TMIGD3: variants seen among roughly 807,000 people sequenced by gnomAD.
TMIGD3 encodes AD026 protein (AD026).
In TMIGD3, 21 loss-of-function variants were observed where a neutral mutation model predicts 28.1. The ratio of observed to expected loss-of-function variants is 0.75; its 90% CI spans 0.53 to 1.08. TMIGD3 has a LOEUF of 1.08. TMIGD3 is among the 50% of genes least tolerant of loss of function. TMIGD3 has a pLI of 0.00. For synonymous variants in TMIGD3, 151 were observed against 162.1 expected (o/e 0.93, Z 0.52); for missense variants, 416 against 435.6 (o/e 0.96, Z 0.40).
At chr1:111,521,033 C>CTAT (rs1404079345) in intron 1 of TMIGD3, among the ~76,000 whole-genome samples, 1 of 123,428 alleles carries the variant, frequency 8.1e-6, no homozygotes, top group Non-Finnish European at 1.6e-5. Flanking sequence ...TATCCCCTAA[C>CTAT]TATTGATCTG....
upstream of TMIGD3, chr1:111,504,166 A>G: frequency 2.0e-6 from 2 of 980,814 alleles, no homozygotes; most frequent in Non-Finnish European, 2.4e-6. Context: ...CAGAAGGGCA[A>G]AAACTCAGCA....
At chr1:111,511,982 C>T (rs1237013777) in intron 1 of TMIGD3, among the ~76,000 whole-genome samples, 1 of 149,218 alleles carries the variant, frequency 6.7e-6, no homozygotes, top group African/African-American at 2.5e-5. Flanking sequence ...GGAACGGAGG[C>T]CCAGAGTAGC....
rs761990115 is a variant in TMIGD3 at position 111,500,366 on chromosome 1, T to C, written c.350+2639A>G. ...GGGATGAAAATCCAGGTGAGGAAGCTGAAGTATACCATGTAGTCCATTCTC... is the reference window on the plus strand; with the variant it reads ...GGGATGAAAATCCAGGTGAGGAAGCCGAAGTATACCATGTAGTCCATTCTC... On this transcript the variant is annotated intron_variant, in intron 1 of 5. Coordinates refer to ENST00000369716, the MANE Select transcript of TMIGD3 (RefSeq NM_020683.7). 13 of 1,614,196 alleles carry C rather than the reference T, an allele frequency of 8.1e-6. No homozygotes were observed. In the South Asian group the frequency reaches 1.4e-4, roughly 18 times the overall value.
At chr1:111,489,521 G>T (rs2100960111) in intron 2 of TMIGD3, 2 of 981,554 alleles carry the variant, frequency 2.0e-6, no homozygotes, top group East Asian at 1.1e-4. Flanking sequence ...CCAGACTGTG[G>T]TTTTGTTGCT....
intron 1 of TMIGD3, among the ~76,000 whole-genome samples, chr1:111,544,671 A>G (rs1052853638): frequency 6.6e-5 from 10 of 152,196 alleles, no homozygotes; most frequent in African/African-American, 2.4e-4. Flanking sequence ...ACATTGGTGT[A>G]CAAGTTTTTG....
chr1:111,561,250 A>T (rs1657724773), intron 1 of TMIGD3, among the ~76,000 whole-genome samples: 1 of 152,104 alleles, frequency 6.6e-6, no homozygotes. Flanking sequence ...CAGCCTCCCA[A>T]GTAGCTGGGA....
chr1:111,494,831 C>G (rs2262952), intron 1 of TMIGD3, among the ~76,000 whole-genome samples: 121,521 of 152,140 alleles, frequency 0.8, 48,545 homozygotes, highest in Middle Eastern at 0.89. Context: ...GGAGAACCCA[C>G]AAGTAAAGCT....
intron 2 of TMIGD3, 24 bp downstream of exon 2, chr1:111,490,632 G>C: frequency 6.4e-7 from 1 of 1,554,324 alleles, no homozygotes. Flanking sequence ...TAAAGGGCTG[G>C]AGCTGTTCCG....
At chr1:111,516,868 AC>A (rs1365444853) in intron 1 of TMIGD3, among the ~76,000 whole-genome samples, 2 of 152,150 alleles carry the variant, frequency 1.3e-5, no homozygotes, top group East Asian at 3.9e-4. Context: ...TGATGGGTAA[AC>A]CTCTTAACAC....
chr1:111,506,353 G>A (rs1360039377), upstream of TMIGD3, among the ~76,000 whole-genome samples: 3 of 152,204 alleles, frequency 2.0e-5, no homozygotes, highest in Admixed American at 6.5e-5. Context: ...AATCAGCGAG[G>A]ACTCTTAAGT....
intron 1 of TMIGD3, among the ~76,000 whole-genome samples, chr1:111,560,163 A>G (rs1306084071): frequency 6.6e-6 from 1 of 152,230 alleles, no homozygotes; most frequent in African/African-American, 2.4e-5. Flanking sequence ...TTCTCTTAGC[A>G]TACTTATCTA....
At chr1:111,552,712 G>C (rs1657317924) in intron 1 of TMIGD3, among the ~76,000 whole-genome samples, 1 of 152,176 alleles carries the variant, frequency 6.6e-6, no homozygotes, top group African/African-American at 2.4e-5. Context: ...GGAATCATAT[G>C]TTGGTGTTTG....
chr1:111,500,771 A>G lies in TMIGD3; in HGVS notation c.350+2234T>C. ...CAAGATGAGCAGACAACGATTGGAGAAAAATCCAGGAAACTTCTCTGGGGA... is the reference window on the plus strand; with the variant it reads ...CAAGATGAGCAGACAACGATTGGAGGAAAATCCAGGAAACTTCTCTGGGGA... On this transcript the variant is annotated intron_variant, in intron 1 of 5. Coordinates refer to ENST00000369716, the MANE Select transcript of TMIGD3 (RefSeq NM_020683.7). 5 of 571,276 alleles carry G rather than the reference A, an allele frequency of 8.8e-6. No homozygotes were observed. The South Asian group carries it at 1.3e-4, about 15-fold the overall frequency. The allele number at this position is 571,276 out of a possible 1,614,324, so 35.4% of individuals were successfully genotyped here. A position where few individuals can be genotyped will look rare whatever the true frequency, so the allele number is the denominator to read the frequency against.
chr1:111,490,864 C>A, intron 1 of TMIGD3, 102 bp from the exon 2 acceptor site: 1 of 786,724 alleles, frequency 1.3e-6, no homozygotes, highest in Non-Finnish European at 2.1e-6. Flanking sequence ...GCAGTGCTGC[C>A]ATGTATAGAT....
intron 1 of TMIGD3, chr1:111,499,422 A>G: frequency 2.0e-6 from 2 of 990,698 alleles, no homozygotes; most frequent in Non-Finnish European, 2.4e-6. Context: ...AAAGAGCTAC[A>G]CTCCAGTTAG....
At chr1:111,491,995 G>A (rs566185081) in intron 1 of TMIGD3, among the ~76,000 whole-genome samples, 10 of 152,294 alleles carry the variant, frequency 6.6e-5, no homozygotes, top group African/African-American at 1.9e-4. Context: ...TGGCAGAAGT[G>A]ATGGCATGTG....
chr1:111,500,022 C>T, intron 1 of TMIGD3: 1 of 1,614,142 alleles, frequency 6.2e-7, no homozygotes, highest in East Asian at 2.2e-5. Flanking sequence ...CTTTGAGGAT[C>T]AAAAGGTAGG....
intron 1 of TMIGD3, among the ~76,000 whole-genome samples, chr1:111,510,664 G>A (rs563817271): frequency 1.3e-5 from 2 of 152,144 alleles, no homozygotes; most frequent in Admixed American, 1.3e-4. Flanking sequence ...ATTCTGTCAG[G>A]CCCTGTTTTT....
chr1:111,490,890 C>T, intron 1 of TMIGD3, 128 bp from the exon 2 acceptor site: 1 of 667,786 alleles, frequency 1.5e-6, no homozygotes. Context: ...GCACAATGCA[C>T]CATACCACAT....
Sources: gnomAD v4.1 joint callset for allele counts (sites outside exome capture counted in the v4.1 genomes callset) on GRCh38, gnomAD v4.1.1 for gene constraint, MANE v1.5 for transcripts, NCBI Gene and HGNC (gene_info 2026-07-23, HGNC 2026-07-21) for gene names.